BIVM: variants seen among roughly 807,000 people sequenced by gnomAD.
BIVM encodes basic, immunoglobulin-like variable motif containing, also known as basic immunoglobulin-like variable motif-containing protein.
Under a neutral mutation model 61.4 loss-of-function variants are expected in BIVM, and 31 were observed. The observed-to-expected ratio is 0.51, with a 90% CI of 0.38 to 0.68. BIVM has a LOEUF of 0.68. Ranked by LOEUF, BIVM falls within the 30% of genes least tolerant of loss-of-function variation. The probability of loss-of-function intolerance (pLI) is 0.00; values close to 1 mark genes in which losing one functional copy is unlikely to be tolerated. For missense variants in BIVM, 526 were observed against 596.0 expected, an observed-to-expected ratio of 0.88 and a Z score of 1.22; for synonymous variants, 189 against 210.7, an observed-to-expected ratio of 0.90 and a Z score of 0.89.
At position 102,820,944 on chromosome 13, in the gene BIVM, A is replaced by T; in HGVS notation, c.606-93A>T. The T allele has an allele frequency of 4.2e-6, 5 of 1,178,404 alleles. No homozygotes were observed. In the South Asian group the frequency reaches 5.4e-5, roughly 13 times the overall value. The allele number at this position is 1,178,404 out of a possible 1,614,324, so 73.0% of individuals were successfully genotyped here. A position where few individuals can be genotyped will look rare whatever the true frequency, so the allele number is the denominator to read the frequency against. On this transcript the variant is annotated intron_variant, in intron 4 of 10. Coordinates refer to ENST00000257336, the MANE Select transcript of BIVM (RefSeq NM_017693.4). ...GACTTAGGGGATCAAAGTTTTCATTATATTAACACCTTTAATTGCCATGAG... is the reference window on the plus strand; with the variant it reads ...GACTTAGGGGATCAAAGTTTTCATTTTATTAACACCTTTAATTGCCATGAG...
rs1476733485 is a variant in BIVM at position 102,807,035 on chromosome 13, T to A, written c.-122-111T>A. ...ATTGTGACTCCAGTCATATAGTAGT[T>A]GTAAAATTAATATAGAATGAAGGCA... is the stretch of plus-strand genomic sequence containing the variant. On this transcript the variant is annotated intron_variant, in intron 2 of 10. Transcript: ENST00000257336. The surrounding 1 kb of genome is among the most constrained non-coding windows in gnomAD (Gnocchi z 4.0). 2.0e-5 allele frequency: 8 copies of A among 408,096 alleles called. No individual in the cohort carries two copies. The East Asian group carries it at 2.4e-4, about 12-fold the overall frequency. 25.3% of individuals were successfully genotyped at this position (408,096 alleles called of 1,614,324 possible).
intron 3 of BIVM, among the ~76,000 whole-genome samples, chr13:102,814,904 C>A (rs1425721467): frequency 6.6e-6 from 1 of 152,050 alleles, no homozygotes; most frequent in Non-Finnish European, 1.5e-5. Context: ...ATTAGCTGGG[C>A]ATGGTCGCAC....
chr13:102,807,553 G>T lies in BIVM; in HGVS notation c.286G>T (p.Asp96Tyr), dbSNP rs1262839121. 3 of 1,614,050 alleles carry T rather than the reference G, an allele frequency of 1.9e-6. No homozygotes were observed. The Admixed American group carries it at 5.0e-5, about 27-fold the overall frequency. ...TCCATCCCGCTCTCCTTGCCTCCCT[G>T]ATAGTACCTCTTTATCTGCTGGAAA... ...PNPSRSPCLP[D>Y]STSLSAGNNS... is the part of the protein sequence containing the mutation. The change falls in exon 3 of 11, where the codon GAT becomes TAT. Residue 96 changes from aspartate (D) to tyrosine (Y), a missense_variant. Physicochemically the swap from Asp to Tyr is radical, Grantham distance 160. Transcript: ENST00000257336. This position sits in a 1 kb window ranked among gnomAD's most constrained non-coding sequence, Gnocchi z 4.0.
chr13:102,826,618 A>G (rs1880691025), intron 7 of BIVM, among the ~76,000 whole-genome samples: 1 of 152,232 alleles, frequency 6.6e-6, no homozygotes, highest in Non-Finnish European at 1.5e-5. Flanking sequence ...TATAATGGAA[A>G]GCTATTACAA....
intron 8 of BIVM, 23 bp from the exon 9 acceptor site, chr13:102,834,443 C>T (rs748917408): frequency 6.3e-7 from 1 of 1,582,246 alleles, no homozygotes; most frequent in Non-Finnish European, 8.6e-7. Flanking sequence ...ATTAAACGTA[C>T]TGTGAATGTA....
intron 5 of BIVM, 137 bp from the exon 6 acceptor site, chr13:102,821,602 TAAAA>T: frequency 5.6e-6 from 4 of 710,812 alleles, no homozygotes; most frequent in Non-Finnish European, 8.0e-6. Context: ...AACCTGTCTC[TAAAA>T]AAATAAATAA....
chr13:102,841,357 C>G lies in BIVM; in HGVS notation c.*1492C>G, dbSNP rs1014548931. On this transcript the variant is annotated 3_prime_UTR_variant, in exon 11 of 11. Transcript: ENST00000257336. ...TGAATTTTATATCCGTTTGTTCACT[C>G]GTACATGCCTAGCCTACAGAAGGGG... 1 of 152,482 alleles carries G rather than the reference C, an allele frequency of 6.6e-6. No homozygotes were observed. The highest frequency in any genetic ancestry group is 1.5e-5 in the Non-Finnish European group (1 of 68,016). 9.4% of individuals were successfully genotyped at this position (152,482 alleles called of 1,614,324 possible).
At chr13:102,814,384 A>G (rs1016446109) in intron 3 of BIVM, among the ~76,000 whole-genome samples, 1 of 152,268 alleles carries the variant, frequency 6.6e-6, no homozygotes, top group East Asian at 1.9e-4. Context: ...TTTGGGCCGT[A>G]TATGCTAATT....
intron 3 of BIVM, among the ~76,000 whole-genome samples, chr13:102,808,799 T>C (rs1394191288): frequency 6.6e-6 from 1 of 152,170 alleles, no homozygotes; most frequent in Non-Finnish European, 1.5e-5. Flanking sequence ...CAAATTTTAA[T>C]TTGTCCATGT....
At chr13:102,819,412 C>T (rs1190516798) in intron 4 of BIVM, among the ~76,000 whole-genome samples, 1 of 152,114 alleles carries the variant, frequency 6.6e-6, no homozygotes, top group African/African-American at 2.4e-5. Flanking sequence ...TGAGGGAGGA[C>T]TCAATAGATT....
In BIVM at chr13:102,800,504, C is replaced by T. The variant is rs1878684371; in HGVS notation, c.-207+983C>T. On this transcript the variant is annotated intron_variant, in intron 1 of 10. Coordinates refer to ENST00000257336, the MANE Select transcript of BIVM (RefSeq NM_017693.4). ...AGGGAGCGCAGCCGCGCTCCTTCCT[C>T]TCTGCCCGCGTCGCCTCCGCGCGCA... The T allele has an allele frequency of 2.0e-5, 3 of 152,168 alleles. 1 individual carries two copies. In the South Asian group the frequency reaches 6.2e-4, roughly 31 times the overall value. 9.4% of individuals were successfully genotyped at this position (152,168 alleles called of 1,614,324 possible). A position where few individuals can be genotyped will look rare whatever the true frequency, so the allele number is the denominator to read the frequency against.
At position 102,839,698 on chromosome 13, in the gene BIVM, G is replaced by C. The variant is rs184828821; in HGVS notation, c.1345G>C (p.Ala449Pro). 163 of 1,614,186 alleles carry C rather than the reference G, an allele frequency of 1.0e-4. 1 individual carries two copies. In the East Asian group the frequency reaches 3.5e-3, roughly 35 times the overall value. ...ACCTCCAACACATGCCCAGGGAATT[G>C]CCAAATCTGAGAGTGAAGACAATAT... is the stretch of plus-strand genomic sequence containing the variant. ...SQPPTHAQGI[A>P]KSESEDNISK... The change falls in exon 11 of 11, where the codon GCC becomes CCC. Residue 449 changes from alanine to proline, a missense_variant. This residue lies in a region of BIVM where 210 missense variants were observed against 233.1 expected (regional missense o/e 0.90). Transcript: ENST00000257336.
intron 4 of BIVM, chr13:102,816,833 A>G (rs1441656736): frequency 5.5e-6 from 1 of 181,108 alleles, no homozygotes; most frequent in Non-Finnish European, 1.1e-5. Context: ...CTTTTGATGT[A>G]GTTAAATACT....
chr13:102,826,239 C>G (rs1461071660), intron 7 of BIVM, among the ~76,000 whole-genome samples: 1 of 152,130 alleles, frequency 6.6e-6, no homozygotes, highest in Non-Finnish European at 1.5e-5. Flanking sequence ...CCTACCTGCT[C>G]TCCCCTCCCC....
At chr13:102,822,260 G>T in intron 7 of BIVM, 101 bp downstream of exon 7, 1 of 1,124,554 alleles carries the variant, frequency 8.9e-7, no homozygotes, top group Admixed American at 2.3e-5. Flanking sequence ...TGCCTGTTTA[G>T]CTTCCTGGGA....
intron 1 of BIVM, among the ~76,000 whole-genome samples, chr13:102,804,898 T>C (rs1878965413): frequency 6.6e-6 from 1 of 152,234 alleles, no homozygotes; most frequent in African/African-American, 2.4e-5. Context: ...CTTTGCTAGT[T>C]TCTCCTCACA....
chr13:102,801,022 C>T (rs3809373), intron 1 of BIVM, among the ~76,000 whole-genome samples: 10,960 of 152,254 alleles, frequency 0.072, 551 homozygotes, highest in African/African-American at 0.13. Context: ...GAAAAGACTA[C>T]AACCTAGGCG....
intron 7 of BIVM, among the ~76,000 whole-genome samples, chr13:102,831,100 T>A (rs1009355407): frequency 6.6e-6 from 1 of 152,232 alleles, no homozygotes; most frequent in African/African-American, 2.4e-5. Context: ...ACTTCTATAT[T>A]TTAACCTAAT....
At chr13:102,822,232 A>C in intron 7 of BIVM, 73 bp downstream of exon 7, 1 of 1,431,976 alleles carries the variant, frequency 7.0e-7, no homozygotes, top group Non-Finnish European at 9.6e-7. Context: ...CACACGGTTT[A>C]GAGTTCGTCT....
Sources: allele counts gnomAD v4.1 joint callset (sites outside exome capture counted in the v4.1 genomes callset), GRCh38; gene constraint gnomAD v4.1.1; regional missense constraint gnomAD v4.1.1; non-coding constraint Gnocchi (gnomAD v3.1); transcripts MANE v1.5; gene names NCBI Gene and HGNC (gene_info 2026-07-23, HGNC 2026-07-21).